The following MAD1L1 variants were observed in gnomAD, a reference collection of about 807,000 sequenced individuals.
MAD1L1 encodes the protein mitotic arrest deficient 1 like 1.
MAD1L1 carries 95 observed loss-of-function variants against 96.9 expected under a neutral mutation model. That is an observed-to-expected ratio of 0.98 (90% confidence interval 0.83 to 1.16). The LOEUF (loss-of-function observed/expected upper bound fraction) is 1.16, where lower values mean the gene tolerates loss of function less well. Ranked by LOEUF, MAD1L1 falls within the 50% of genes most tolerant of loss-of-function variation. MAD1L1 has a pLI of 0.00. For synonymous variants in MAD1L1, 473 were observed against 396.6 expected (o/e 1.19, Z -2.29); for missense variants, 1,007 against 954.4 (o/e 1.06, Z -0.73).
intron 17 of MAD1L1, among the ~76,000 whole-genome samples, chr7:1,918,015 G>A (rs1182431900): frequency 6.6e-6 from 1 of 152,128 alleles, no homozygotes; most frequent in Non-Finnish European, 1.5e-5. Flanking sequence ...AGGCAGCGCT[G>A]TATCCCTACA....
intron 12 of MAD1L1, among the ~76,000 whole-genome samples, chr7:2,055,793 A>G (rs1040680537): frequency 2.6e-5 from 4 of 151,954 alleles, no homozygotes; most frequent in African/African-American, 9.7e-5. Flanking sequence ...AGCCTGACCA[A>G]TATGGCAAAA....
chr7:2,194,239 C>T (rs919707940), intron 10 of MAD1L1, among the ~76,000 whole-genome samples: 5 of 151,986 alleles, frequency 3.3e-5, no homozygotes, highest in African/African-American at 4.8e-5. Context: ...GGATTACGGG[C>T]GTGAGCCACT....
intron 10 of MAD1L1, chr7:2,193,484 A>C (rs1286304784): frequency 6.6e-6 from 1 of 152,484 alleles, no homozygotes; most frequent in African/African-American, 2.4e-5. Context: ...TCTCCCAGCC[A>C]GTATACACCA....
chr7:2,203,504 C>T (rs1792425575), intron 10 of MAD1L1, among the ~76,000 whole-genome samples: 1 of 152,218 alleles, frequency 6.6e-6, no homozygotes, highest in African/African-American at 2.4e-5. Context: ...AACTAAAAAT[C>T]ATCCTTTTAA....
chr7:2,201,677 C>T (rs1423298952), intron 10 of MAD1L1, among the ~76,000 whole-genome samples: 4 of 152,208 alleles, frequency 2.6e-5, no homozygotes, highest in African/African-American at 4.8e-5. Flanking sequence ...CAAGTGATAG[C>T]GTTTCCACCC....
At chr7:1,921,175 G>T (rs953053754) in intron 17 of MAD1L1, among the ~76,000 whole-genome samples, 7 of 152,208 alleles carry the variant, frequency 4.6e-5, no homozygotes, top group African/African-American at 1.7e-4. Context: ...ATCGGTGAGG[G>T]AGGCGGCCCT....
chr7:2,061,672 G>A (rs1051284174), intron 12 of MAD1L1, among the ~76,000 whole-genome samples: 2 of 152,258 alleles, frequency 1.3e-5, no homozygotes, highest in East Asian at 3.9e-4. Flanking sequence ...CCCAGCGCAA[G>A]GGCACCCAGG....
intron 11 of MAD1L1, among the ~76,000 whole-genome samples, chr7:2,098,797 T>G (rs537072061): frequency 6.6e-6 from 1 of 152,266 alleles, no homozygotes; most frequent in African/African-American, 2.4e-5. Context: ...ACGCCAGGCA[T>G]CACGCACCAA....
At chr7:1,885,676 C>G (rs1023270189) in intron 18 of MAD1L1, among the ~76,000 whole-genome samples, 1 of 152,192 alleles carries the variant, frequency 6.6e-6, no homozygotes, top group Admixed American at 6.5e-5. Context: ...GCCATGACAA[C>G]CCCAAGGTGC....
intron 12 of MAD1L1, among the ~76,000 whole-genome samples, chr7:2,028,404 G>A (rs991577735): frequency 1.0e-4 from 14 of 134,864 alleles, no homozygotes; most frequent in South Asian, 2.3e-4. Context: ...CAGCCTGGGC[G>A]ACAGAGCAAG....
chr7:1,844,856 C>T (rs1471694364), intron 18 of MAD1L1, among the ~76,000 whole-genome samples: 1 of 152,236 alleles, frequency 6.6e-6, no homozygotes, highest in Non-Finnish European at 1.5e-5. Flanking sequence ...AGCGTGTCCT[C>T]CTCTGCGAGT....
intron 6 of MAD1L1, 61 bp downstream of exon 6, chr7:2,219,271 G>T: frequency 3.4e-6 from 5 of 1,452,338 alleles, no homozygotes; most frequent in Non-Finnish European, 4.6e-6. Flanking sequence ...CCAGGAGAGA[G>T]GTGGGACGCA....
intron 11 of MAD1L1, among the ~76,000 whole-genome samples, chr7:2,147,919 GGGAGA>G (rs1326304525): frequency 1.3e-5 from 2 of 152,220 alleles, no homozygotes; most frequent in African/African-American, 4.8e-5. Flanking sequence ...CCTGTTTGGT[GGGAGA>G]AAAGTACAGG....
chr7:1,895,936 C>A (rs1022137759), intron 18 of MAD1L1, among the ~76,000 whole-genome samples: 3 of 152,256 alleles, frequency 2.0e-5, no homozygotes, highest in African/African-American at 7.2e-5. Flanking sequence ...CCTGGGGAGG[C>A]GCCAAGGCTC....
At chr7:2,170,859 T>G (rs1790674146) in intron 10 of MAD1L1, among the ~76,000 whole-genome samples, 1 of 152,154 alleles carries the variant, frequency 6.6e-6, no homozygotes, top group Non-Finnish European at 1.5e-5. Flanking sequence ...CCGTGGGTAC[T>G]GAGTGGATGG....
intron 18 of MAD1L1, among the ~76,000 whole-genome samples, chr7:1,835,343 A>G (rs6976097): frequency 0.42 from 63,844 of 152,040 alleles, 13,714 homozygotes; most frequent in African/African-American, 0.47. Flanking sequence ...AAGGAACTTC[A>G]CAAGCATCCA....
chr7:1,966,591 A>T (rs572893248), intron 15 of MAD1L1, among the ~76,000 whole-genome samples: 21 of 148,590 alleles, frequency 1.4e-4, no homozygotes, highest in African/African-American at 5.2e-4. Context: ...AAAAATCCCT[A>T]GAGATTCAAG....
rs1039604091 is a variant in MAD1L1 at position 2,103,928 on chromosome 7, C to T, written c.1074-34590G>A. ...TACAACACTCCACCCCGCTGGACGT[C>T]GGAGAAAGAGGCCCCCAGACACATG... On this transcript the variant is annotated intron_variant, in intron 11 of 18. Transcript: ENST00000265854. This position sits in a 1 kb window ranked among gnomAD's most constrained non-coding sequence, Gnocchi z 4.3. 2.0e-5 allele frequency among the ~76,000 whole-genome samples: 3 copies of T among 152,214 alleles called. No individual in the cohort carries two copies. Among genetic ancestry groups the T allele is most frequent in the South Asian group, 2.1e-4 (1 of 4,834 alleles).
At chr7:1,876,189 G>A (rs1272930489) in intron 18 of MAD1L1, among the ~76,000 whole-genome samples, 3 of 152,078 alleles carry the variant, frequency 2.0e-5, no homozygotes, top group South Asian at 2.1e-4. Context: ...GTACTTATGC[G>A]GGAGGATGGT....
Sources: gnomAD v4.1 joint callset for allele counts (sites outside exome capture counted in the v4.1 genomes callset) on GRCh38, gnomAD v4.1.1 for gene constraint, Gnocchi (gnomAD v3.1) non-coding constraint, MANE v1.5 for transcripts, NCBI Gene and HGNC (gene_info 2026-07-23, HGNC 2026-07-21) for gene names.